Variants in SLC35F2 observed in about 807,000 individuals in gnomAD.
SLC35F2 encodes solute carrier family 35 member F2.
A neutral mutation model predicts 38.1 loss-of-function variants in SLC35F2; 25 were observed. The ratio of observed to expected loss-of-function variants is 0.66; its 90% CI spans 0.48 to 0.92. The LOEUF (loss-of-function observed/expected upper bound fraction) is 0.92, where lower values mean the gene tolerates loss of function less well. Among genes scored for constraint, SLC35F2 ranks in the 40% least tolerant of loss-of-function variants. The pLI is 0.00. For synonymous variants in SLC35F2, 173 were observed against 181.7 expected, an observed-to-expected ratio of 0.95 and a Z score of 0.38; for missense variants, 409 against 452.9, an observed-to-expected ratio of 0.90 and a Z score of 0.88.
At chr11:107,835,432 A>C (rs756451672) in intron 1 of SLC35F2, among the ~76,000 whole-genome samples, 6 of 98,748 alleles carry the variant, frequency 6.1e-5, no homozygotes, top group Non-Finnish European at 1.2e-4. Context: ...GCCCACAGTG[A>C]CTTTTTTTTT....
intron 2 of SLC35F2, among the ~76,000 whole-genome samples, chr11:107,815,395 A>T (rs1859553245): frequency 1.3e-5 from 2 of 150,830 alleles, no homozygotes; most frequent in African/African-American, 4.9e-5. Flanking sequence ...AAAATAAAAA[A>T]AAAAAAAAAA....
At chr11:107,842,708 G>A (rs1215785644) in intron 1 of SLC35F2, among the ~76,000 whole-genome samples, 1 of 152,092 alleles carries the variant, frequency 6.6e-6, no homozygotes, top group Non-Finnish European at 1.5e-5. Context: ...AAATTGGTAC[G>A]ACTGCTTTGG....
intron 1 of SLC35F2, among the ~76,000 whole-genome samples, chr11:107,835,883 T>G (rs1859922326): frequency 6.6e-6 from 1 of 152,186 alleles, no homozygotes; most frequent in East Asian, 1.9e-4. Flanking sequence ...AACAAAGAGA[T>G]GTACAAGGTA....
At chr11:107,840,014 T>C (rs541078373) in intron 1 of SLC35F2, among the ~76,000 whole-genome samples, 10 of 152,268 alleles carry the variant, frequency 6.6e-5, no homozygotes, top group Non-Finnish European at 1.3e-4. Context: ...TTAAGTCTAT[T>C]GCCTAGATTA....
chr11:107,847,319 G>A (rs1860116110), intron 1 of SLC35F2, among the ~76,000 whole-genome samples: 1 of 152,072 alleles, frequency 6.6e-6, no homozygotes, highest in Non-Finnish European at 1.5e-5. Flanking sequence ...CCAAAGTGCT[G>A]GGATCACACC....
At chr11:107,841,927 G>A (rs929533737) in intron 1 of SLC35F2, among the ~76,000 whole-genome samples, 14 of 151,900 alleles carry the variant, frequency 9.2e-5, no homozygotes, top group Non-Finnish European at 1.8e-4. Context: ...TTAGCCGGGC[G>A]TGGTGGTGTG....
intron 1 of SLC35F2, among the ~76,000 whole-genome samples, chr11:107,851,420 G>A (rs1591212051): frequency 2.0e-5 from 3 of 149,292 alleles, no homozygotes; most frequent in Non-Finnish European, 3.0e-5. Flanking sequence ...TGGAGATTGC[G>A]CCATTCCACT....
chr11:107,810,267 A>G (rs192924523), intron 3 of SLC35F2: 515 of 985,424 alleles, frequency 5.2e-4, no homozygotes, highest in Admixed American at 6.8e-4. Flanking sequence ...CTAAGAGGCT[A>G]GCGTGAAAGA....
At chr11:107,809,927 T>G in intron 3 of SLC35F2, 1 of 985,312 alleles carries the variant, frequency 1.0e-6, no homozygotes, top group Non-Finnish European at 1.2e-6. Context: ...GGGAAATGGG[T>G]TGATGTGGCA....
rs1859472877 is a variant in SLC35F2, at chr11:107,811,099, T to G, written c.414+568A>C. 9.1e-6 allele frequency: 9 copies of G among 985,210 alleles called. No individual in the cohort carries two copies. The South Asian group carries it at 3.8e-4, about 41-fold the overall frequency. 61.0% of individuals were successfully genotyped at this position (985,210 alleles called of 1,614,324 possible). Reference sequence around the variant, plus strand: ...TGTTAGGAAACATCCCATAGTTTGCTAACATTAAGACAACTGAAATCAGTT... The same window carrying G: ...TGTTAGGAAACATCCCATAGTTTGCGAACATTAAGACAACTGAAATCAGTT... On this transcript the variant is annotated intron_variant, in intron 3 of 7. Transcript: ENST00000525815.
intron 1 of SLC35F2, among the ~76,000 whole-genome samples, chr11:107,850,564 A>G (rs1224997121): frequency 6.6e-6 from 1 of 152,060 alleles, no homozygotes; most frequent in East Asian, 1.9e-4. Context: ...GCTCACTTCT[A>G]TAAGCCCAGC....
chr11:107,851,035 T>C lies in SLC35F2; in HGVS notation c.110+7623A>G, dbSNP rs1860174633. 2.0e-5 allele frequency among the ~76,000 whole-genome samples: 3 copies of C among 150,566 alleles called. No individual in the cohort carries two copies. In the South Asian group the frequency reaches 6.3e-4, roughly 32 times the overall value. On this transcript the variant is annotated intron_variant, in intron 1 of 7. Coordinates refer to ENST00000525815, the MANE Select transcript of SLC35F2 (RefSeq NM_017515.5). Reference sequence around the variant, plus strand: ...ATCCCAGCACTTTGGGAGGCTAAGGTGGGCGGATCACAAGGTCAGGAGTTC... The same window carrying C: ...ATCCCAGCACTTTGGGAGGCTAAGGCGGGCGGATCACAAGGTCAGGAGTTC...
intron 2 of SLC35F2, among the ~76,000 whole-genome samples, chr11:107,813,880 G>A (rs1236776329): frequency 1.3e-5 from 2 of 152,128 alleles, no homozygotes; most frequent in Non-Finnish European, 2.9e-5. Flanking sequence ...GCCCAGGCTT[G>A]TCTTGAACTC....
At chr11:107,858,224 C>T (rs1860327222) in intron 1 of SLC35F2, among the ~76,000 whole-genome samples, 1 of 152,206 alleles carries the variant, frequency 6.6e-6, no homozygotes. Context: ...CTTGAATCAC[C>T]GCGCCCAGTC....
At chr11:107,825,155 G>A (rs1168949323) in intron 1 of SLC35F2, among the ~76,000 whole-genome samples, 1 of 152,154 alleles carries the variant, frequency 6.6e-6, no homozygotes, top group East Asian at 1.9e-4. Flanking sequence ...TAGTATAAAT[G>A]AGGAACTGAA....
At chr11:107,839,649 GC>G (rs1220655104) in intron 1 of SLC35F2, among the ~76,000 whole-genome samples, 1 of 152,130 alleles carries the variant, frequency 6.6e-6, no homozygotes, top group Admixed American at 6.6e-5. Context: ...AAAGGAGAAA[GC>G]GTGAAACACA....
At chr11:107,827,336 T>C (rs1859767850) in intron 1 of SLC35F2, among the ~76,000 whole-genome samples, 1 of 152,152 alleles carries the variant, frequency 6.6e-6, no homozygotes, top group Admixed American at 6.6e-5. Flanking sequence ...AACTAGGAGC[T>C]GGGCGTGGTG....
intron 1 of SLC35F2, among the ~76,000 whole-genome samples, chr11:107,856,187 T>C (rs931271469): frequency 5.9e-5 from 9 of 151,904 alleles, no homozygotes; most frequent in African/African-American, 2.2e-4. Flanking sequence ...AACATACATC[T>C]TGCCATATCA....
At chr11:107,839,039 C>T (rs1035106872) in intron 1 of SLC35F2, among the ~76,000 whole-genome samples, 2 of 152,166 alleles carry the variant, frequency 1.3e-5, no homozygotes, top group African/African-American at 4.8e-5. Context: ...AGTAACTTTT[C>T]CAAGATCAGA....
Sources: gnomAD v4.1 joint callset for allele counts (sites outside exome capture counted in the v4.1 genomes callset) on GRCh38, gnomAD v4.1.1 for gene constraint, MANE v1.5 for transcripts, NCBI Gene and HGNC (gene_info 2026-07-23, HGNC 2026-07-21) for gene names.